The following CCDC102B variants were observed in gnomAD, a reference collection of about 807,000 sequenced individuals.
CCDC102B encodes coiled-coil domain-containing protein 102B.
Under a neutral mutation model 57.4 loss-of-function variants are expected in CCDC102B, and 75 were observed. That is an observed-to-expected ratio of 1.31 (90% confidence interval 1.08 to 1.58). CCDC102B has a LOEUF of 1.58. Among genes scored for constraint, CCDC102B ranks in the 40% most tolerant of loss-of-function variants. CCDC102B has a pLI of 0.00. For synonymous variants in CCDC102B, 206 were observed against 201.9 expected (o/e 1.02, Z -0.17); for missense variants, 636 against 582.6 (o/e 1.09, Z -0.94).
chr18:68,715,494 A>C (rs1265643724), intron 1 of CCDC102B: 1 of 154,820 alleles, frequency 6.5e-6, no homozygotes, highest in African/African-American at 2.4e-5. Flanking sequence ...AAGACTGCGG[A>C]TTGCTGAGCT....
intron 2 of CCDC102B, among the ~76,000 whole-genome samples, chr18:68,765,311 AGGAAGGAAGGAAGGAAAG>A (rs1354110537): frequency 6.2e-5 from 5 of 80,024 alleles, no homozygotes; most frequent in South Asian, 4.6e-4. Flanking sequence ...GAAGGAAGGA[AGGAAGGAAGGAAGGAAAG>A]AAAGAAAGAA....
At chr18:68,832,157 C>T (rs989542329) in intron 1 of CCDC102B, among the ~76,000 whole-genome samples, 3 of 151,730 alleles carry the variant, frequency 2.0e-5, no homozygotes, top group Non-Finnish European at 2.9e-5. Context: ...TAAGATAAAG[C>T]AATAACGATA....
intron 6 of CCDC102B, among the ~76,000 whole-genome samples, chr18:68,962,806 T>A (rs1402076702): frequency 6.6e-6 from 1 of 152,036 alleles, no homozygotes; most frequent in Admixed American, 6.6e-5. Flanking sequence ...GCCTATGTAC[T>A]GTGGAAGTCT....
At chr18:68,758,281 T>C (rs2034126881) in intron 2 of CCDC102B, among the ~76,000 whole-genome samples, 1 of 151,600 alleles carries the variant, frequency 6.6e-6, no homozygotes, top group African/African-American at 2.4e-5. Context: ...ATCACATATG[T>C]ATATATATGT....
chr18:68,891,006 G>A (rs1022896632), intron 5 of CCDC102B, among the ~76,000 whole-genome samples: 2 of 152,108 alleles, frequency 1.3e-5, no homozygotes, highest in Non-Finnish European at 2.9e-5. Flanking sequence ...AGCTGTAAAT[G>A]TTTTATTTTT....
At chr18:68,722,590 T>A (rs2032394848) in intron 2 of CCDC102B, among the ~76,000 whole-genome samples, 1 of 152,100 alleles carries the variant, frequency 6.6e-6, no homozygotes, top group African/African-American at 2.4e-5. Context: ...AAAGTAAATT[T>A]AAAAAAGAAA....
chr18:68,765,983 G>GTTC, intron 2 of CCDC102B, among the ~76,000 whole-genome samples: 1 of 152,128 alleles, frequency 6.6e-6, no homozygotes, highest in South Asian at 2.1e-4. Flanking sequence ...AGGAAAGACT[G>GTTC]AAAATCCAAT....
intron 6 of CCDC102B, among the ~76,000 whole-genome samples, chr18:68,946,178 G>T (rs936681454): frequency 2.5e-4 from 38 of 151,932 alleles, no homozygotes; most frequent in African/African-American, 8.5e-4. Flanking sequence ...TATTAATCTA[G>T]TTACATATTT....
At chr18:68,932,861 T>C (rs756256825) in intron 6 of CCDC102B, among the ~76,000 whole-genome samples, 1 of 151,900 alleles carries the variant, frequency 6.6e-6, no homozygotes, top group Non-Finnish European at 1.5e-5. Context: ...CAGGAAGGCT[T>C]CTCTCTTTCT....
chr18:68,731,239 C>T (rs1454680565), intron 2 of CCDC102B, among the ~76,000 whole-genome samples: 1 of 152,160 alleles, frequency 6.6e-6, no homozygotes, highest in Non-Finnish European at 1.5e-5. Context: ...CCGCCTCGGC[C>T]TCCCAAAGTG....
At chr18:68,989,952 G>T (rs1015222749) in intron 6 of CCDC102B, among the ~76,000 whole-genome samples, 10 of 152,108 alleles carry the variant, frequency 6.6e-5, no homozygotes, top group Non-Finnish European at 1.5e-4. Flanking sequence ...GTCCTTTTGA[G>T]TGGAGTTGGT....
intron 1 of CCDC102B, among the ~76,000 whole-genome samples, chr18:68,829,983 T>G (rs529762932): frequency 6.6e-6 from 1 of 152,036 alleles, no homozygotes; most frequent in Non-Finnish European, 1.5e-5. Flanking sequence ...CTTCTCTTAG[T>G]ACCACCTAGT....
chr18:69,050,062 G>A (rs919234555), intron 7 of CCDC102B, among the ~76,000 whole-genome samples: 2 of 49,026 alleles, frequency 4.1e-5, no homozygotes, highest in Admixed American at 4.4e-4. Context: ...CCCTGCCTTG[G>A]CCTCTGAAAG....
intron 2 of CCDC102B, among the ~76,000 whole-genome samples, chr18:68,720,501 AGCGTTCTAT>A (rs1268093736): frequency 1.3e-5 from 2 of 152,218 alleles, no homozygotes; most frequent in Non-Finnish European, 2.9e-5. Context: ...TTCATTTTAA[AGCGTTCTAT>A]GCACATGAAC....
chr18:68,868,813 A>C (rs1287318040), intron 4 of CCDC102B, among the ~76,000 whole-genome samples: 1 of 152,332 alleles, frequency 6.6e-6, no homozygotes. Context: ...ACTCAAACTC[A>C]GTGTGAAGAA....
intron 2 of CCDC102B, among the ~76,000 whole-genome samples, chr18:68,775,836 T>A (rs963972252): frequency 3.3e-5 from 5 of 151,968 alleles, no homozygotes; most frequent in Admixed American, 6.6e-5. Flanking sequence ...GTATTTTTAG[T>A]AGAGATGGGG....
upstream of CCDC102B, among the ~76,000 whole-genome samples, chr18:68,797,855 G>A (rs1242525322): frequency 2.7e-5 from 4 of 150,882 alleles, no homozygotes; most frequent in African/African-American, 9.8e-5. Flanking sequence ...ATCAAGGCGT[G>A]GGTGTCTTTT....
intron 7 of CCDC102B, among the ~76,000 whole-genome samples, chr18:69,043,279 T>A (rs2052477487): frequency 6.6e-6 from 1 of 152,048 alleles, no homozygotes; most frequent in Admixed American, 6.6e-5. Flanking sequence ...AACGTACAAT[T>A]GGGTTTTATA....
At chr18:68,995,132 G>T (rs1311370234) in intron 6 of CCDC102B, among the ~76,000 whole-genome samples, 3 of 152,148 alleles carry the variant, frequency 2.0e-5, no homozygotes, top group Non-Finnish European at 4.4e-5. Flanking sequence ...GCAGCATTTT[G>T]CCCCTGCCCT....
Sources: gnomAD v4.1 joint callset for allele counts (sites outside exome capture counted in the v4.1 genomes callset) on GRCh38, gnomAD v4.1.1 for gene constraint, MANE v1.5 for transcripts, NCBI Gene and HGNC (gene_info 2026-07-23, HGNC 2026-07-21) for gene names.